Variants in OPN3 observed in about 807,000 individuals in gnomAD.
OPN3 encodes opsin 3.
OPN3 carries 29 observed loss-of-function variants against 33.8 expected under a neutral mutation model. That is an observed-to-expected ratio of 0.86 (90% CI 0.64 to 1.17). The LOEUF is 1.17. Among genes scored for constraint, OPN3 ranks in the 50% most tolerant of loss-of-function variants. The pLI, the probability that OPN3 is intolerant of heterozygous loss-of-function variation, is 0.00. For missense variants in OPN3, 437 were observed against 514.1 expected (o/e 0.85, Z 1.45); for synonymous variants, 216 against 216.1 (o/e 1.00, Z 0.00).
chr1:241,595,526 A>G (rs1397948735), intron 3 of OPN3: 3 of 152,222 alleles, frequency 2.0e-5, no homozygotes, highest in Non-Finnish European at 4.4e-5. Context: ...CATGACCAGT[A>G]AAACATAAAT....
At chr1:241,596,062 G>A (rs1211675313) in intron 3 of OPN3, among the ~76,000 whole-genome samples, 1 of 152,242 alleles carries the variant, frequency 6.6e-6, no homozygotes, top group South Asian at 2.1e-4. Flanking sequence ...CAGAATATTG[G>A]GCAACCATAC....
chr1:241,624,529 G>A (rs916266850), intron 1 of OPN3, among the ~76,000 whole-genome samples: 1 of 152,326 alleles, frequency 6.6e-6, no homozygotes, highest in East Asian at 1.9e-4. Context: ...AATGATCACA[G>A]CCTGATTAAT....
intron 1 of OPN3, 126 bp from the exon 2 acceptor site, chr1:241,604,705 C>G (rs1663779668): frequency 1.2e-6 from 1 of 833,544 alleles, no homozygotes; most frequent in African/African-American, 1.7e-5. Flanking sequence ...CTCTCAAAGC[C>G]AAGAGTAATA....
intron 3 of OPN3, chr1:241,595,237 T>C (rs1663468849): frequency 6.6e-6 from 1 of 152,400 alleles, no homozygotes; most frequent in Non-Finnish European, 1.5e-5. Flanking sequence ...CAAACATTGT[T>C]CTTCTCCGTG....
At chr1:241,635,388 C>A in intron 1 of OPN3, 1 of 1,613,990 alleles carries the variant, frequency 6.2e-7, no homozygotes, top group Non-Finnish European at 8.5e-7. Flanking sequence ...GTATTAGACA[C>A]CCCCAAAGAA....
At chr1:241,635,101 T>C (rs1283294567) in intron 1 of OPN3, 1 of 1,612,844 alleles carries the variant, frequency 6.2e-7, no homozygotes, top group Admixed American at 1.7e-5. Flanking sequence ...CTTCTTTAAC[T>C]ATTTGAGAGT....
intron 3 of OPN3, 42 bp downstream of exon 3, chr1:241,597,704 C>G (rs374500773): frequency 3.2e-5 from 51 of 1,593,782 alleles, no homozygotes; most frequent in East Asian, 4.5e-5. Flanking sequence ...ATTTCCAACT[C>G]TATGCCCAGG....
Position 241,635,544 on chromosome 1 carries a change from C to T in OPN3, c.373+4338G>A, listed in dbSNP as rs1558448280. Reference sequence around the variant, plus strand: ...GTTTCATGGATCAGGTCCTGCCATACAACAGTACTTTCTTCCCCAATGTCA... The same window carrying T: ...GTTTCATGGATCAGGTCCTGCCATATAACAGTACTTTCTTCCCCAATGTCA... On this transcript the variant is annotated intron_variant, in intron 1 of 3. Transcript: ENST00000366554. 3 of 1,614,076 alleles carry T rather than the reference C, an allele frequency of 1.9e-6. No individual in the cohort carries two copies. In the South Asian group the frequency reaches 3.3e-5, roughly 18 times the overall value.
chr1:241,635,458 G>A (rs755211000), intron 1 of OPN3: 1 of 1,613,694 alleles, frequency 6.2e-7, no homozygotes, highest in Non-Finnish European at 8.5e-7. Context: ...GACTGGCGTA[G>A]CAAAAAGCTT....
chr1:241,603,776 T>C (rs985329268), intron 2 of OPN3, among the ~76,000 whole-genome samples: 3 of 152,206 alleles, frequency 2.0e-5, no homozygotes, highest in African/African-American at 4.8e-5. Context: ...TGTTCCACAC[T>C]GGGTTTGAGT....
intron 1 of OPN3, chr1:241,635,533 G>T: frequency 6.2e-7 from 1 of 1,613,886 alleles, no homozygotes; most frequent in African/African-American, 1.3e-5. Flanking sequence ...CATGGATCAG[G>T]TCCTGCCATA....
At chr1:241,635,197 T>C (rs531463861) in intron 1 of OPN3, 2 of 1,613,278 alleles carry the variant, frequency 1.2e-6, no homozygotes, top group Admixed American at 3.3e-5. Flanking sequence ...TATCTGAAAC[T>C]GTGTGCATAC....
At chr1:241,600,615 T>C (rs891578159) in intron 2 of OPN3, 5 of 152,208 alleles carry the variant, frequency 3.3e-5, no homozygotes, top group African/African-American at 1.2e-4. Context: ...TTCTCAAGTG[T>C]GTAGCTATGT....
At chr1:241,599,063 T>C (rs1160984392) in intron 2 of OPN3, among the ~76,000 whole-genome samples, 3 of 152,130 alleles carry the variant, frequency 2.0e-5, no homozygotes, top group Admixed American at 6.5e-5. Flanking sequence ...TAGAAATATA[T>C]TTTAATTAAA....
chr1:241,628,482 G>C (rs760460294), intron 1 of OPN3, among the ~76,000 whole-genome samples: 1 of 152,072 alleles, frequency 6.6e-6, no homozygotes, highest in Non-Finnish European at 1.5e-5. Context: ...TCTGGCCTTC[G>C]CACAGGTCTC....
intron 1 of OPN3, chr1:241,629,418 T>G (rs189659118): frequency 2.0e-5 from 3 of 152,132 alleles, no homozygotes; most frequent in Non-Finnish European, 4.4e-5. Context: ...TTTTTAATAT[T>G]AGGAAATTTG....
chr1:241,614,530 T>A (rs1276112100), intron 1 of OPN3, among the ~76,000 whole-genome samples: 1 of 152,252 alleles, frequency 6.6e-6, no homozygotes, highest in African/African-American at 2.4e-5. Flanking sequence ...ACGGACATTT[T>A]TCACCATAAG....
chr1:241,616,704 G>T (rs1664142466), intron 1 of OPN3, among the ~76,000 whole-genome samples: 1 of 151,996 alleles, frequency 6.6e-6, no homozygotes, highest in Non-Finnish European at 1.5e-5. Context: ...AGTAAACATG[G>T]TCATCCCTGT....
At position 241,640,140 on chromosome 1, in the gene OPN3, C is replaced by T; in HGVS notation, c.115G>A (p.Gly39Ser). ...TLSPAPLFSP[G>S]TYERLALLLG... Reference sequence around the variant, plus strand: ...AGCAGCGCCAGGCGCTCGTAGGTGCCGGGGCTGAAGAGGGGCGCGGGGCTC... The same window carrying T: ...AGCAGCGCCAGGCGCTCGTAGGTGCTGGGGCTGAAGAGGGGCGCGGGGCTC... Residue 39 changes from glycine to serine, a missense_variant, in exon 1 of 4, where the codon GGC becomes AGC. By Grantham distance (56) the Gly-to-Ser change is moderately conservative (BLOSUM62 0). Transcript: ENST00000366554. 1.3e-6 allele frequency: 2 copies of T among 1,575,562 alleles called. No homozygotes were observed. The highest frequency in any genetic ancestry group is 1.1e-5 in the South Asian group (1 of 87,040).
Sources: gnomAD v4.1 joint callset for allele counts (sites outside exome capture counted in the v4.1 genomes callset) on GRCh38, gnomAD v4.1.1 for gene constraint, MANE v1.5 for transcripts, NCBI Gene and HGNC (gene_info 2026-07-23, HGNC 2026-07-21) for gene names.